Variants in FGGY observed in about 807,000 individuals in gnomAD.
The protein encoded by FGGY is FGGY carbohydrate kinase domain containing.
Under a neutral mutation model 71.3 loss-of-function variants are expected in FGGY, and 72 were observed. The observed-to-expected ratio is 1.01, with a 90% CI of 0.84 to 1.23. The LOEUF is 1.23. FGGY is among the 50% of genes most tolerant of loss of function. FGGY has a pLI of 0.00. For missense variants in FGGY, 668 were observed against 682.3 expected, an observed-to-expected ratio of 0.98 and a Z score of 0.23; for synonymous variants, 251 against 250.3, an observed-to-expected ratio of 1.00 and a Z score of -0.02.
At chr1:59,628,074 G>A (rs1340093829) in intron 10 of FGGY, among the ~76,000 whole-genome samples, 1 of 152,188 alleles carries the variant, frequency 6.6e-6, no homozygotes. Flanking sequence ...GTGAGTAAAA[G>A]TGGGAAGCAG....
At chr1:59,553,502 T>C (rs2153704858) in intron 7 of FGGY, among the ~76,000 whole-genome samples, 1 of 152,334 alleles carries the variant, frequency 6.6e-6, no homozygotes, top group Admixed American at 6.5e-5. Flanking sequence ...CTATTTGGCA[T>C]TCTGTTACTA....
At chr1:59,501,165 A>G (rs1213161005) in intron 6 of FGGY, among the ~76,000 whole-genome samples, 1 of 152,204 alleles carries the variant, frequency 6.6e-6, no homozygotes, top group Admixed American at 6.5e-5. Flanking sequence ...CGAGAAACCA[A>G]CGCTGGCCCT....
chr1:59,423,748 G>A (rs932542724), intron 5 of FGGY, among the ~76,000 whole-genome samples: 7 of 152,124 alleles, frequency 4.6e-5, no homozygotes, highest in African/African-American at 1.2e-4. Flanking sequence ...TCATACTACC[G>A]TGGCTCACCA....
At chr1:59,664,416 C>T (rs543531640) in intron 12 of FGGY, among the ~76,000 whole-genome samples, 2 of 152,338 alleles carry the variant, frequency 1.3e-5, no homozygotes, top group Admixed American at 1.3e-4. Flanking sequence ...CTGTCACAGC[C>T]CCTCTCGAGG....
intron 4 of FGGY, among the ~76,000 whole-genome samples, chr1:59,367,140 A>G (rs1280022635): frequency 6.6e-6 from 1 of 152,210 alleles, no homozygotes; most frequent in Non-Finnish European, 1.5e-5. Flanking sequence ...ATGTTTTTAG[A>G]AAGATGCCTC....
intron 7 of FGGY, among the ~76,000 whole-genome samples, chr1:59,544,712 G>A (rs983719533): frequency 6.6e-6 from 1 of 152,092 alleles, no homozygotes; most frequent in Admixed American, 6.5e-5. Flanking sequence ...AGTGAGTTTC[G>A]AAGAGGTGTG....
chr1:59,738,980 A>G (rs1215496753), intron 14 of FGGY, among the ~76,000 whole-genome samples: 3 of 152,128 alleles, frequency 2.0e-5, no homozygotes, highest in Non-Finnish European at 4.4e-5. Context: ...TGCCCAAACC[A>G]CTGGACCTAA....
intron 5 of FGGY, among the ~76,000 whole-genome samples, chr1:59,438,714 T>G (rs937806243): frequency 6.6e-6 from 1 of 152,246 alleles, no homozygotes; most frequent in African/African-American, 2.4e-5. Context: ...TCTTAAAAAC[T>G]AATACCAAAA....
At chr1:59,674,899 G>A (rs942565833) in intron 14 of FGGY, among the ~76,000 whole-genome samples, 1 of 152,112 alleles carries the variant, frequency 6.6e-6, no homozygotes, top group African/African-American at 2.4e-5. Context: ...GACCACCTGG[G>A]CTCAAATCCT....
Position 59,660,194 on chromosome 1 carries a change from T to C in FGGY, c.1222-25T>C, listed in dbSNP as rs1180693616. The C allele has an allele frequency of 3.1e-6, 5 of 1,607,542 alleles. No individual in the cohort carries two copies. In the East Asian group the frequency reaches 6.7e-5, roughly 21 times the overall value. ...CGGCAGCTTCTTTTGACCATCTTCT[T>C]CTTTTCTTCCCTTCATGCCTGCAGG... On this transcript the variant is annotated intron_variant, in intron 11 of 15. Coordinates refer to ENST00000303721, the MANE Select transcript of FGGY (RefSeq NM_018291.5).
intron 8 of FGGY, among the ~76,000 whole-genome samples, chr1:59,557,121 A>G (rs544947187): frequency 6.6e-6 from 1 of 152,284 alleles, no homozygotes; most frequent in South Asian, 2.1e-4. Flanking sequence ...TGTGAGGTCT[A>G]GGAGAGGTGC....
intron 6 of FGGY, among the ~76,000 whole-genome samples, chr1:59,457,346 C>T (rs1230404440): frequency 3.9e-5 from 6 of 152,182 alleles, no homozygotes; most frequent in Admixed American, 3.9e-4. Context: ...CATGGTGGCT[C>T]ACACCTGTAA....
intron 13 of FGGY, among the ~76,000 whole-genome samples, chr1:59,669,922 G>T (rs1357514694): frequency 6.6e-6 from 1 of 152,156 alleles, no homozygotes; most frequent in Non-Finnish European, 1.5e-5. Flanking sequence ...TCAGAAGCAC[G>T]GCGGGGAGTG....
chr1:59,702,226 C>T (rs1255724876), intron 14 of FGGY, among the ~76,000 whole-genome samples: 6 of 152,134 alleles, frequency 3.9e-5, no homozygotes, highest in Admixed American at 2.0e-4. Flanking sequence ...GATTACAATT[C>T]GAGGTGAGAT....
intron 7 of FGGY, among the ~76,000 whole-genome samples, chr1:59,522,563 AGAG>A (rs2153650194): frequency 6.6e-6 from 1 of 152,330 alleles, no homozygotes; most frequent in South Asian, 2.1e-4. Context: ...TGTGTGGTGG[AGAG>A]ATAAACAATA....
At chr1:59,759,506 A>G (rs770723377) in intron 15 of FGGY, among the ~76,000 whole-genome samples, 1 of 152,218 alleles carries the variant, frequency 6.6e-6, no homozygotes, top group Admixed American at 6.5e-5. Flanking sequence ...GACCCTCCCA[A>G]GACTTTTCAG....
chr1:59,545,248 A>G (rs985509664), intron 7 of FGGY, among the ~76,000 whole-genome samples: 6 of 152,216 alleles, frequency 3.9e-5, no homozygotes, highest in Admixed American at 2.6e-4. Context: ...GAATTAATCA[A>G]TTTATAAATT....
chr1:59,437,045 G>A (rs1193976036), intron 5 of FGGY, among the ~76,000 whole-genome samples: 1 of 152,156 alleles, frequency 6.6e-6, no homozygotes, highest in Non-Finnish European at 1.5e-5. Context: ...GAAGGATCCA[G>A]ACCCTAGGAT....
chr1:59,634,427 T>C lies in FGGY; in HGVS notation c.1074-3801T>C, dbSNP rs755993858. Among the ~76,000 whole-genome samples the C allele has an allele frequency of 2.6e-5, 4 of 152,088 alleles. No homozygotes were observed. The South Asian group carries it at 8.3e-4, about 32-fold the overall frequency. On this transcript the variant is annotated intron_variant, in intron 10 of 15. Coordinates refer to ENST00000303721, the MANE Select transcript of FGGY (RefSeq NM_018291.5). The stretch of plus-strand genomic sequence containing the variant: ...TCTGGAAAAAAAGAAAAAGAAAAAG[T>C]AAGGAACTAGAGACAGGCAATATGG...
Sources: allele counts gnomAD v4.1 joint callset (sites outside exome capture counted in the v4.1 genomes callset), GRCh38; gene constraint gnomAD v4.1.1; transcripts MANE v1.5; gene names NCBI Gene and HGNC (gene_info 2026-07-23, HGNC 2026-07-21).